Variants in PMM2 observed in about 807,000 individuals in gnomAD.
The protein encoded by PMM2 is mannose-6-phosphate isomerase.
A neutral mutation model predicts 33.2 loss-of-function variants in PMM2; 35 were observed. The observed-to-expected ratio is 1.06, with a 90% confidence interval of 0.81 to 1.40. The LOEUF (loss-of-function observed/expected upper bound fraction) is 1.40, where lower values mean the gene tolerates loss of function less well. PMM2 is among the 40% of genes most tolerant of loss of function. The pLI is 0.00. For missense variants in PMM2, 386 were observed against 306.0 expected (o/e 1.26, Z -1.95); for synonymous variants, 153 against 114.7 (o/e 1.33, Z -2.13).
chr16:8,827,498 T>C (rs1596496735), intron 7 of PMM2, among the ~76,000 whole-genome samples: 2 of 150,304 alleles, frequency 1.3e-5, no homozygotes, highest in African/African-American at 4.9e-5. Context: ...CGGGTTCAAG[T>C]GATTCTCGTG....
chr16:8,842,448 C>A (rs552741654), intron 7 of PMM2: 1 of 152,318 alleles, frequency 6.6e-6, no homozygotes, highest in South Asian at 2.1e-4. Context: ...TGAGGGCTGT[C>A]CCTGAAACCT....
chr16:8,810,894 G>T (rs1596488633), intron 4 of PMM2, 185 bp from the exon 5 acceptor site: 2 of 620,046 alleles, frequency 3.2e-6, no homozygotes, highest in Non-Finnish European at 5.8e-6. Context: ...ATTCATATTA[G>T]CCACATTTCA....
chr16:8,805,128 G>C (rs2060639736), intron 3 of PMM2, among the ~76,000 whole-genome samples: 1 of 152,112 alleles, frequency 6.6e-6, no homozygotes, highest in Non-Finnish European at 1.5e-5. Flanking sequence ...CACGATCTCA[G>C]CTCACTACAA....
chr16:8,812,087 C>A (rs780711281), intron 6 of PMM2, among the ~76,000 whole-genome samples: 1 of 152,176 alleles, frequency 6.6e-6, no homozygotes, highest in Non-Finnish European at 1.5e-5. Context: ...TGGAATTGAA[C>A]CCCTTAGGTA....
chr16:8,814,548 A>G (rs904143620), intron 7 of PMM2, among the ~76,000 whole-genome samples: 26 of 152,250 alleles, frequency 1.7e-4, no homozygotes, highest in Non-Finnish European at 3.5e-4. Flanking sequence ...GTCTTCCAGC[A>G]TGAGGGGTAC....
chr16:8,805,849 C>T (rs1222050703), intron 3 of PMM2, among the ~76,000 whole-genome samples: 2 of 152,148 alleles, frequency 1.3e-5, no homozygotes, highest in East Asian at 3.9e-4. Flanking sequence ...CTCAGCTTCC[C>T]AAAATGCTGG....
In PMM2 at chr16:8,841,731, T is replaced by C. The variant is rs544434157; in HGVS notation, c.640-5993T>C. Among the ~76,000 whole-genome samples, 9 of 112,036 alleles carry C rather than the reference T, an allele frequency of 8.0e-5. 4 individuals are homozygous for C. Among genetic ancestry groups the C allele is most frequent in the Non-Finnish European group, 1.8e-4 (9 of 49,602 alleles). The allele number at this position is 112,036 out of a possible 152,430, so 73.5% of individuals were successfully genotyped here. On this transcript the variant is annotated intron_variant, in intron 7 of 7. Coordinates refer to ENST00000268261, the MANE Select transcript of PMM2 (RefSeq NM_000303.3). ...CAGGAAAGAAGGAAATATGGGGAAATGGGGTGAATGTCAGGTGGATCAGAG... is the reference window on the plus strand; with the variant it reads ...CAGGAAAGAAGGAAATATGGGGAAACGGGGTGAATGTCAGGTGGATCAGAG...
chr16:8,832,964 T>C lies in PMM2; in HGVS notation c.640-14760T>C, dbSNP rs2060819871. On this transcript the variant is annotated intron_variant, in intron 7 of 7. Coordinates refer to ENST00000268261, the MANE Select transcript of PMM2 (RefSeq NM_000303.3). ...AAGAGCTGTCTGTTGATGACTGGTC[T>C]CCCCAGGGCAGCTGTGATGTGGTTT... 7.0e-6 allele frequency: 3 copies of C among 430,910 alleles called. 1 individual carries two copies. The South Asian group carries it at 2.7e-4, about 39-fold the overall frequency. The allele number at this position is 430,910 out of a possible 1,614,324, so 26.7% of individuals were successfully genotyped here. A position where few individuals can be genotyped will look rare whatever the true frequency, so the allele number is the denominator to read the frequency against.
intron 7 of PMM2, among the ~76,000 whole-genome samples, chr16:8,821,736 A>G (rs2060740609): frequency 6.6e-6 from 1 of 152,216 alleles, no homozygotes; most frequent in Non-Finnish European, 1.5e-5. Context: ...CCTCGCCCCC[A>G]AGCCAAGGGG....
chr16:8,826,503 C>T (rs28872003), intron 7 of PMM2, among the ~76,000 whole-genome samples: 4,110 of 152,234 alleles, frequency 0.027, 199 homozygotes, highest in African/African-American at 0.095. Flanking sequence ...TCACAGAAGC[C>T]ACTTATGACC....
chr16:8,838,522 G>A (rs1383577620), intron 7 of PMM2, among the ~76,000 whole-genome samples: 1 of 151,962 alleles, frequency 6.6e-6, no homozygotes, highest in South Asian at 2.1e-4. Context: ...CTTCAAGCGG[G>A]ATTAGGGGCG....
chr16:8,848,097 G>C lies in PMM2; in HGVS notation c.*272G>C. On this transcript the variant is annotated 3_prime_UTR_variant, in exon 8 of 8. Coordinates refer to ENST00000268261, the MANE Select transcript of PMM2 (RefSeq NM_000303.3). ...AGCCCCCTAGTCTAATACCCACCCT[G>C]ATACGTGCAATCATGTAGTTTTGGC... 3 of 452,856 alleles carry C rather than the reference G, an allele frequency of 6.6e-6. No individual in the cohort carries two copies. The highest frequency in any genetic ancestry group is 2.1e-5 in the South Asian group (1 of 47,398). 28.1% of individuals were successfully genotyped at this position (452,856 alleles called of 1,614,324 possible).
At chr16:8,799,269 A>C (rs1313907768) in intron 1 of PMM2, among the ~76,000 whole-genome samples, 1 of 152,166 alleles carries the variant, frequency 6.6e-6, no homozygotes, top group Admixed American at 6.5e-5. Context: ...TAGGGTTTAC[A>C]TTGCCACCCT....
chr16:8,848,891 C>G lies in PMM2; in HGVS notation c.*1066C>G, dbSNP rs548312645. 6.6e-6 allele frequency: 1 copy of G among 152,236 alleles called. No homozygotes were observed. The highest frequency in any genetic ancestry group is 1.5e-5 in the Non-Finnish European group (1 of 68,046). The allele number at this position is 152,236 out of a possible 1,614,324, so 9.4% of individuals were successfully genotyped here. A position where few individuals can be genotyped will look rare whatever the true frequency, so the allele number is the denominator to read the frequency against. On this transcript the variant is annotated 3_prime_UTR_variant, in exon 8 of 8. Coordinates refer to ENST00000268261, the MANE Select transcript of PMM2 (RefSeq NM_000303.3). ...CTCTTTTCATCTTCTGCACGTTCTT[C>G]GTGAAACTGGAAGGATCCCGGGTCT...
chr16:8,799,409 C>A (rs988692979), intron 1 of PMM2, among the ~76,000 whole-genome samples: 1 of 152,202 alleles, frequency 6.6e-6, no homozygotes, highest in African/African-American at 2.4e-5. Context: ...ACACAGCCAA[C>A]CTGGTACAAG....
chr16:8,835,762 G>A (rs2060841551), intron 7 of PMM2, among the ~76,000 whole-genome samples: 1 of 151,972 alleles, frequency 6.6e-6, no homozygotes, highest in African/African-American at 2.4e-5. Flanking sequence ...AGCGTGCCAT[G>A]GGATGGGACA....
chr16:8,820,988 G>T (rs193017365), intron 7 of PMM2, among the ~76,000 whole-genome samples: 2 of 92,452 alleles, frequency 2.2e-5, no homozygotes, highest in African/African-American at 7.4e-5. Flanking sequence ...TTGGATGGCA[G>T]TTGGCCTTTG....
intron 7 of PMM2, among the ~76,000 whole-genome samples, chr16:8,827,141 G>T (rs2060773278): frequency 6.6e-6 from 1 of 152,036 alleles, no homozygotes; most frequent in Non-Finnish European, 1.5e-5. Flanking sequence ...ACTTCTTGGG[G>T]TTTTATGAGG....
At chr16:8,805,216 C>T (rs952889842) in intron 3 of PMM2, among the ~76,000 whole-genome samples, 3 of 151,908 alleles carry the variant, frequency 2.0e-5, no homozygotes, top group East Asian at 1.9e-4. Flanking sequence ...TACAGGCACA[C>T]GCCACCACAC....
Sources: allele counts gnomAD v4.1 joint callset (sites outside exome capture counted in the v4.1 genomes callset), GRCh38; gene constraint gnomAD v4.1.1; transcripts MANE v1.5; gene names NCBI Gene and HGNC (gene_info 2026-07-23, HGNC 2026-07-21).